The following ARID1B variants were observed in gnomAD, a reference collection of about 807,000 sequenced individuals.
ARID1B encodes AT-rich interaction domain 1B.
Under a neutral mutation model 212.3 loss-of-function variants are expected in ARID1B, and 30 were observed. The observed-to-expected ratio is 0.14, with a 90% CI of 0.11 to 0.19. The LOEUF (loss-of-function observed/expected upper bound fraction) is 0.19, where lower values mean the gene tolerates loss of function less well. Among genes scored for constraint, ARID1B ranks in the 10% least tolerant of loss-of-function variants. The pLI, the probability that ARID1B is intolerant of heterozygous loss-of-function variation, is 1.00. For synonymous variants in ARID1B, 1,402 were observed against 1,301.7 expected, an observed-to-expected ratio of 1.08 and a Z score of -1.66; for missense variants, 2,891 against 3,204.0, an observed-to-expected ratio of 0.90 and a Z score of 2.36.
intron 4 of ARID1B, among the ~76,000 whole-genome samples, chr6:157,063,564 A>T (rs958739970): frequency 1.1e-4 from 16 of 152,204 alleles, no homozygotes; most frequent in African/African-American, 3.9e-4. Context: ...ATACCATAAG[A>T]ATTGAGTGTG....
intron 5 of ARID1B, among the ~76,000 whole-genome samples, chr6:157,106,885 A>G (rs1786525708): frequency 6.6e-6 from 1 of 152,188 alleles, no homozygotes; most frequent in South Asian, 2.1e-4. Flanking sequence ...TGGAAGAAAA[A>G]GGGGAAATAT....
chr6:157,039,105 A>G (rs112364114), intron 4 of ARID1B, among the ~76,000 whole-genome samples: 22 of 152,070 alleles, frequency 1.4e-4, no homozygotes, highest in African/African-American at 5.1e-4. Flanking sequence ...TCCTCGCCTC[A>G]AGTGATCCCT....
At position 156,913,018 on chromosome 6, in the gene ARID1B, TTTC is replaced by T. The variant is rs1180403099; in HGVS notation, c.2136+11496_2136+11498del. On this transcript the variant is annotated intron_variant, in intron 3 of 19. Coordinates refer to ENST00000636930, the MANE Select transcript of ARID1B (RefSeq NM_001374828.1). ...TCTATTGAAATGGCTCTTTTCATAC[TTTC>T]TTTTTTTTTTTTTTCACTTGCTTTG... Among the ~76,000 whole-genome samples the T allele has an allele frequency of 1.8e-4, 23 of 131,362 alleles. 1 individual carries two copies. Among genetic ancestry groups the T allele is most frequent in the Admixed American group, 9.6e-4 (13 of 13,480 alleles). The allele number at this position is 131,362 out of a possible 152,430, so 86.2% of individuals were successfully genotyped here.
rs546685206 is a variant in ARID1B, at chr6:157,204,033, A to G, written c.5394+37A>G. The G allele has an allele frequency of 2.3e-4, 371 of 1,612,302 alleles. 4 individuals carry two copies. In the East Asian group the frequency reaches 8.2e-3, roughly 36 times the overall value. ...TAGTCCAACTAACAACCAAATTAGG[A>G]TAGGAGAGCATCAGGCCATGCACAT... On this transcript the variant is annotated intron_variant, in intron 19 of 19. Coordinates refer to ENST00000636930, the MANE Select transcript of ARID1B (RefSeq NM_001374828.1).
In ARID1B at chr6:156,805,793, A is replaced by G. The variant is rs190163084; in HGVS notation, c.1792-23434A>G. ...TGGGCTTAGGTGATCCTCCCATCTC[A>G]GCCTCCTAAGTAGCTGGAATCACAG... On this transcript the variant is annotated intron_variant, in intron 1 of 19. Coordinates refer to ENST00000636930, the MANE Select transcript of ARID1B (RefSeq NM_001374828.1). 9.9e-5 allele frequency among the ~76,000 whole-genome samples: 15 copies of G among 152,132 alleles called. 1 individual carries two copies. The highest frequency in any genetic ancestry group is 8.5e-4 in the Admixed American group (13 of 15,282).
intron 1 of ARID1B, among the ~76,000 whole-genome samples, chr6:156,799,071 C>G (rs746285023): frequency 6.6e-6 from 1 of 152,208 alleles, no homozygotes; most frequent in Admixed American, 6.5e-5. Flanking sequence ...TGTCCCATCT[C>G]AAGTCTCAAG....
chr6:157,109,560 T>C (rs1277355385), intron 5 of ARID1B, among the ~76,000 whole-genome samples: 1 of 152,188 alleles, frequency 6.6e-6, no homozygotes, highest in Non-Finnish European at 1.5e-5. Flanking sequence ...CTTTTTAAAT[T>C]CCGTTACATT....
At chr6:156,981,621 G>A (rs1777609519) in intron 4 of ARID1B, among the ~76,000 whole-genome samples, 1 of 152,126 alleles carries the variant, frequency 6.6e-6, no homozygotes, top group South Asian at 2.1e-4. Context: ...GCTGTACACT[G>A]TGTCTTTCCC....
chr6:157,189,835 T>C, intron 14 of ARID1B, 55 bp downstream of exon 14: 2 of 1,609,108 alleles, frequency 1.2e-6, no homozygotes, highest in South Asian at 1.1e-5. Context: ...CATCTTTTAG[T>C]TTTCTGGGGC....
At chr6:157,141,301 A>AAAATTG (rs1452434730) in intron 7 of ARID1B, 1 of 152,278 alleles carries the variant, frequency 6.6e-6, no homozygotes, top group Non-Finnish European at 1.5e-5. Flanking sequence ...CCAAAAGTGA[A>AAAATTG]ACATTGAAGT....
rs537489617 is a variant in ARID1B at position 157,180,888 on chromosome 6, G to A, written c.3505-81G>A. Reference sequence around the variant, plus strand: ...ATCTCTTCTCTTCTTGTATTTGTTAGCTCATTACTTTTTTCTCACCTTCTT... The same window carrying A: ...ATCTCTTCTCTTCTTGTATTTGTTAACTCATTACTTTTTTCTCACCTTCTT... On this transcript the variant is annotated intron_variant, in intron 11 of 19. Transcript: ENST00000636930. 6.4e-5 allele frequency: 75 copies of A among 1,163,906 alleles called. No homozygotes were observed. The African/African-American group carries it at 1.1e-3, about 16-fold the overall frequency. The allele number at this position is 1,163,906 out of a possible 1,614,324, so 72.1% of individuals were successfully genotyped here. A position where few individuals can be genotyped will look rare whatever the true frequency, so the allele number is the denominator to read the frequency against.
chr6:156,999,776 C>G (rs561205780), intron 4 of ARID1B, among the ~76,000 whole-genome samples: 3 of 152,288 alleles, frequency 2.0e-5, no homozygotes, highest in African/African-American at 7.2e-5. Flanking sequence ...AAAAACAATT[C>G]CACTGTTCGG....
At chr6:156,967,551 A>T (rs978578595) in intron 4 of ARID1B, among the ~76,000 whole-genome samples, 2 of 152,218 alleles carry the variant, frequency 1.3e-5, no homozygotes, top group African/African-American at 2.4e-5. Context: ...GTATGTTTGT[A>T]CATTTGGTAC....
intron 4 of ARID1B, among the ~76,000 whole-genome samples, chr6:156,957,006 A>C (rs921128395): frequency 6.6e-6 from 1 of 152,208 alleles, no homozygotes; most frequent in African/African-American, 2.4e-5. Flanking sequence ...AAGACTCTCA[A>C]ATTCTTGGCA....
chr6:156,832,139 GA>G (rs1490977639), intron 2 of ARID1B, among the ~76,000 whole-genome samples: 1 of 152,074 alleles, frequency 6.6e-6, no homozygotes, highest in Non-Finnish European at 1.5e-5. Context: ...TTTTGAAATG[GA>G]AAAAAATAGT....
At chr6:157,007,333 C>A (rs1779305392) in intron 4 of ARID1B, among the ~76,000 whole-genome samples, 1 of 152,184 alleles carries the variant, frequency 6.6e-6, no homozygotes, top group Non-Finnish European at 1.5e-5. Flanking sequence ...ATATTACTTT[C>A]ATAATGAAGA....
chr6:156,926,688 A>G lies in ARID1B; in HGVS notation c.2137-8778A>G, dbSNP rs370839495. 8.6e-5 allele frequency among the ~76,000 whole-genome samples: 13 copies of G among 152,018 alleles called. No individual in the cohort carries two copies. In the East Asian group the frequency reaches 2.3e-3, roughly 27 times the overall value. Reference sequence around the variant, plus strand: ...TTTATTATTTTGAAGTAAATTCCAGATGTTACTATTTTGAGAAGGAGTCTC... The same window carrying G: ...TTTATTATTTTGAAGTAAATTCCAGGTGTTACTATTTTGAGAAGGAGTCTC... On this transcript the variant is annotated intron_variant, in intron 3 of 19. Transcript: ENST00000636930.
chr6:157,062,611 C>T (rs569386633), intron 4 of ARID1B, among the ~76,000 whole-genome samples: 4 of 151,456 alleles, frequency 2.6e-5, no homozygotes, highest in Admixed American at 6.6e-5. Flanking sequence ...GACGGTGGTC[C>T]GATGAGCACT....
chr6:156,858,533 C>T (rs1384437175), intron 2 of ARID1B, among the ~76,000 whole-genome samples: 1 of 152,106 alleles, frequency 6.6e-6, no homozygotes, highest in South Asian at 2.1e-4. Context: ...TGGGAGGCCA[C>T]GGTGGTCAGA....
Sources: allele counts gnomAD v4.1 joint callset (sites outside exome capture counted in the v4.1 genomes callset), GRCh38; gene constraint gnomAD v4.1.1; transcripts MANE v1.5; gene names NCBI Gene and HGNC (gene_info 2026-07-23, HGNC 2026-07-21).